The following SLC39A11 variants were observed in gnomAD, a reference collection of about 807,000 sequenced individuals.
SLC39A11 encodes the protein solute carrier family 39 member 11, also known as zinc transporter ZIP11.
In SLC39A11, 33 loss-of-function variants were observed where a neutral mutation model predicts 36.1. The observed-to-expected ratio is 0.91, with a 90% CI of 0.69 to 1.22. The LOEUF (loss-of-function observed/expected upper bound fraction) is 1.22. SLC39A11 is among the 50% of genes most tolerant of loss of function. The pLI, the probability that SLC39A11 is intolerant of heterozygous loss-of-function variation, is 0.00. For synonymous variants in SLC39A11, 166 were observed against 170.3 expected, an observed-to-expected ratio of 0.97 and a Z score of 0.20; for missense variants, 432 against 430.3, an observed-to-expected ratio of 1.00 and a Z score of -0.03.
At chr17:72,801,973 G>A (rs569346939) in intron 6 of SLC39A11, among the ~76,000 whole-genome samples, 8 of 152,252 alleles carry the variant, frequency 5.3e-5, no homozygotes, top group South Asian at 2.1e-4. Context: ...AAAATATACC[G>A]AGTCATCTGT....
intron 4 of SLC39A11, among the ~76,000 whole-genome samples, chr17:72,988,044 TG>T (rs1203737669): frequency 6.6e-6 from 1 of 152,194 alleles, no homozygotes; most frequent in African/African-American, 2.4e-5. Flanking sequence ...GTCCATGAGA[TG>T]TTTTGACACA....
chr17:72,820,989 C>G (rs1160946817), intron 6 of SLC39A11, among the ~76,000 whole-genome samples: 1 of 141,436 alleles, frequency 7.1e-6, no homozygotes, highest in African/African-American at 2.5e-5. Flanking sequence ...TTTTTGTTTG[C>G]AGGTAAAATA....
intron 7 of SLC39A11, among the ~76,000 whole-genome samples, chr17:72,652,465 T>A (rs534278053): frequency 2.0e-5 from 3 of 152,312 alleles, no homozygotes; most frequent in African/African-American, 7.2e-5. Flanking sequence ...GCGTTGCTGA[T>A]ATGATTACCT....
At chr17:73,032,207 C>CTT (rs72229478) in intron 3 of SLC39A11, among the ~76,000 whole-genome samples, 6 of 142,900 alleles carry the variant, frequency 4.2e-5, no homozygotes, top group South Asian at 2.2e-4. Context: ...AATTCCTATT[C>CTT]TTTTTTTTTT....
chr17:72,867,130 CTGAT>C (rs1333094723), intron 5 of SLC39A11, among the ~76,000 whole-genome samples: 6 of 152,134 alleles, frequency 3.9e-5, no homozygotes, highest in Non-Finnish European at 7.3e-5. Context: ...CTAAGGTCCT[CTGAT>C]TGGTAGGGAG....
intron 7 of SLC39A11, among the ~76,000 whole-genome samples, chr17:72,676,070 TCACACACACACACA>T (rs3222866): frequency 1.5e-5 from 2 of 130,002 alleles, no homozygotes; most frequent in African/African-American, 2.9e-5. Context: ...TCACAATGTT[TCACACACACACACA>T]CACACACACA....
intron 4 of SLC39A11, among the ~76,000 whole-genome samples, chr17:72,987,712 TTC>T (rs2088859823): frequency 6.6e-6 from 1 of 152,202 alleles, no homozygotes; most frequent in South Asian, 2.1e-4. Flanking sequence ...CCCCTTCCTC[TTC>T]CACACCAAGT....
intron 7 of SLC39A11, among the ~76,000 whole-genome samples, chr17:72,716,711 G>A (rs903284635): frequency 3.9e-5 from 6 of 152,126 alleles, no homozygotes; most frequent in African/African-American, 1.2e-4. Flanking sequence ...GCTCACGCCT[G>A]TAATCCCAGT....
chr17:73,042,224 CACAAA>C (rs752741648), intron 3 of SLC39A11, among the ~76,000 whole-genome samples: 15 of 152,134 alleles, frequency 9.9e-5, no homozygotes, highest in African/African-American at 2.2e-4. Flanking sequence ...AAATCCAAGC[CACAAA>C]ACAAAATTTT....
chr17:72,968,562 G>A (rs2087191514), intron 4 of SLC39A11, among the ~76,000 whole-genome samples: 1 of 152,292 alleles, frequency 6.6e-6, no homozygotes, highest in African/African-American at 2.4e-5. Context: ...TGTGCAGGTG[G>A]TGGACTAAGC....
chr17:72,921,255 A>G (rs890445377), intron 5 of SLC39A11, among the ~76,000 whole-genome samples: 1 of 152,180 alleles, frequency 6.6e-6, no homozygotes, highest in African/African-American at 2.4e-5. Context: ...CTGATGCTGC[A>G]CTTAGGGTCA....
At chr17:72,711,880 T>C (rs535590287) in intron 7 of SLC39A11, among the ~76,000 whole-genome samples, 3 of 152,262 alleles carry the variant, frequency 2.0e-5, no homozygotes, top group South Asian at 4.1e-4. Context: ...CAGCCAGAAA[T>C]GGAAAGGAAC....
chr17:73,077,775 ATTTT>A (rs558551282), intron 3 of SLC39A11, among the ~76,000 whole-genome samples: 2 of 152,042 alleles, frequency 1.3e-5, no homozygotes, highest in Admixed American at 1.3e-4. Context: ...TGGCCTTGTG[ATTTT>A]TTTTAAGGAA....
intron 3 of SLC39A11, among the ~76,000 whole-genome samples, chr17:73,045,726 A>C (rs2059265329): frequency 6.6e-6 from 1 of 152,100 alleles, no homozygotes; most frequent in South Asian, 2.1e-4. Context: ...GATGAGAAAG[A>C]CTCCCAGAAA....
Position 72,947,869 on chromosome 17 carries a change from C to T in SLC39A11, c.313G>A (p.Ala105Thr), listed in dbSNP as rs34970573. The T allele has an allele frequency of 5.4e-3, 8,634 of 1,613,728 alleles. 39 individuals are homozygous for T. Among genetic ancestry groups the T allele is most frequent in the Middle Eastern group, 0.01 (63 of 6,062 alleles). Residue 105 changes from alanine to threonine, a missense_variant, in exon 5 of 10, where the codon GCA (alanine) becomes ACA (threonine). Ala to Thr is a moderately conservative substitution (Grantham distance 58). Transcript: ENST00000255559. ...GCCAGGGTCGTCTGGGGGTCTTCTG[C>T]TGCACCCTGAAACAAGAAGCGGTAA... ...ADLLMPHLGA[A>T]EDPQTTLALN...
chr17:73,035,438 C>A (rs1298388460), intron 3 of SLC39A11, among the ~76,000 whole-genome samples: 4 of 152,144 alleles, frequency 2.6e-5, no homozygotes, highest in Non-Finnish European at 1.5e-5. Context: ...CCGCACCCGG[C>A]CAAAAAGTTA....
chr17:72,772,387 G>A (rs1343190055), intron 6 of SLC39A11, among the ~76,000 whole-genome samples: 3 of 152,128 alleles, frequency 2.0e-5, no homozygotes, highest in Non-Finnish European at 4.4e-5. Flanking sequence ...TGTTTTATAT[G>A]CATAACTCCA....
intron 3 of SLC39A11, among the ~76,000 whole-genome samples, chr17:73,053,177 C>G (rs1453267603): frequency 6.6e-6 from 1 of 152,096 alleles, no homozygotes; most frequent in East Asian, 1.9e-4. Flanking sequence ...CAGAGCGCGA[C>G]CCCATCTCAA....
Position 72,662,523 on chromosome 17 carries a change from GAGAAAGAA to G in SLC39A11, c.672-13263_672-13256del, listed in dbSNP as rs72407732. On this transcript the variant is annotated intron_variant, in intron 7 of 9. Transcript: ENST00000255559. Reference sequence around the variant, plus strand: ...GGAAGGAGGGAAGAAAGAGAAGAAAGAGAAAGAAAGAGAGAAAGAAAGAAAAGAAAAAA... The same window carrying G: ...GGAAGGAGGGAAGAAAGAGAAGAAAGAGAGAGAAAGAAAGAAAAGAAAAAA... Among the ~76,000 whole-genome samples, 3 of 124,556 alleles carry G rather than the reference GAGAAAGAA, an allele frequency of 2.4e-5. No individual in the cohort carries two copies. In the East Asian group the frequency reaches 6.9e-4, roughly 29 times the overall value. 81.7% of individuals were successfully genotyped at this position (124,556 alleles called of 152,430 possible).
Sources: allele counts gnomAD v4.1 joint callset (sites outside exome capture counted in the v4.1 genomes callset), GRCh38; gene constraint gnomAD v4.1.1; transcripts MANE v1.5; gene names NCBI Gene and HGNC (gene_info 2026-07-23, HGNC 2026-07-21).